The following IL34 variants were observed in gnomAD, a reference collection of about 807,000 sequenced individuals.
IL34 encodes interleukin 34.
Under a neutral mutation model 25.3 loss-of-function variants are expected in IL34, and 17 were observed. The ratio of observed to expected loss-of-function variants is 0.67; its 90% CI spans 0.46 to 1.01. IL34 has a LOEUF of 1.01. Among genes scored for constraint, IL34 ranks in the 50% least tolerant of loss-of-function variants. IL34 has a pLI of 0.00. For missense variants in IL34, 368 were observed against 312.9 expected (o/e 1.18, Z -1.33); for synonymous variants, 174 against 140.9 (o/e 1.23, Z -1.66).
chr16:70,602,635 C>G (rs78927322), intron 1 of IL34, among the ~76,000 whole-genome samples: 16,683 of 139,912 alleles, frequency 0.12, 2,366 homozygotes, highest in African/African-American at 0.33. Flanking sequence ...TTGTGTTGGG[C>G]GAGGGGTGGT....
rs182426023 is a variant in IL34, at chr16:70,633,755, T to C, written c.-400-12793T>C. On this transcript the variant is annotated intron_variant, in intron 1 of 6. Coordinates refer to the IL34 transcript ENST00000429149. The stretch of plus-strand genomic sequence containing the variant: ...AAGGCTTGAGGGGAGGATCTTTTCC[T>C]GTCTCTTCCCAGGTTCTGGTGTACA... Among the ~76,000 whole-genome samples, 32 of 152,332 alleles carry C rather than the reference T, an allele frequency of 2.1e-4. 1 individual carries two copies. The East Asian group carries it at 6.0e-3, about 28-fold the overall frequency.
At chr16:70,627,490 C>T (rs1251044129) in intron 1 of IL34, among the ~76,000 whole-genome samples, 2 of 118,178 alleles carry the variant, frequency 1.7e-5, no homozygotes, top group Non-Finnish European at 3.3e-5. Context: ...CTTTTTCTTT[C>T]TCTTTCTTTG....
chr16:70,621,804 G>A, intron 1 of IL34, among the ~76,000 whole-genome samples: 1 of 152,056 alleles, frequency 6.6e-6, no homozygotes, highest in Non-Finnish European at 1.5e-5. Flanking sequence ...TGGCGGGCAG[G>A]AGTGGGGGTC....
intron 1 of IL34, among the ~76,000 whole-genome samples, chr16:70,620,441 G>A (rs1360042585): frequency 1.0e-5 from 1 of 96,286 alleles, no homozygotes; most frequent in Non-Finnish European, 1.9e-5. Flanking sequence ...TGTGAGGAGG[G>A]GAGGTGATAA....
intron 1 of IL34, among the ~76,000 whole-genome samples, chr16:70,616,449 A>G (rs1424273573): frequency 6.6e-6 from 1 of 152,248 alleles, no homozygotes; most frequent in African/African-American, 2.4e-5. Flanking sequence ...ATTTTAATTT[A>G]TAATGTGTTT....
At chr16:70,580,777 T>C (rs1309420775) in intron 1 of IL34, among the ~76,000 whole-genome samples, 3 of 144,672 alleles carry the variant, frequency 2.1e-5, no homozygotes, top group Non-Finnish European at 1.5e-5. Context: ...TGAGACTATG[T>C]CTCAAAAAAA....
chr16:70,595,210 C>T (rs2050804971), intron 1 of IL34, among the ~76,000 whole-genome samples: 2 of 152,028 alleles, frequency 1.3e-5, no homozygotes, highest in Admixed American at 6.6e-5. Flanking sequence ...ATCCGCCCAC[C>T]TCGGCCTCCC....
chr16:70,589,428 C>G (rs1338596232), intron 1 of IL34, among the ~76,000 whole-genome samples: 1 of 152,022 alleles, frequency 6.6e-6, no homozygotes, highest in African/African-American at 2.4e-5. Context: ...TGTCTGTTGT[C>G]CCCTCTATGT....
At chr16:70,618,420 A>C (rs1336258901) in intron 1 of IL34, among the ~76,000 whole-genome samples, 1 of 152,130 alleles carries the variant, frequency 6.6e-6, no homozygotes, top group South Asian at 2.1e-4. Context: ...GAGTGAGTAT[A>C]GCTGAAGGAG....
intron 2 of IL34, among the ~76,000 whole-genome samples, chr16:70,656,001 C>T (rs566592646): frequency 6.6e-6 from 1 of 152,330 alleles, no homozygotes; most frequent in East Asian, 1.9e-4. Context: ...GCAACCATCA[C>T]CATCATAGGT....
intron 1 of IL34, among the ~76,000 whole-genome samples, chr16:70,619,439 A>G (rs1204306420): frequency 6.6e-6 from 1 of 152,130 alleles, no homozygotes; most frequent in Non-Finnish European, 1.5e-5. Flanking sequence ...TCGGCCTAAT[A>G]AGGGAACTGG....
chr16:70,620,302 T>C (rs566892092), intron 1 of IL34, among the ~76,000 whole-genome samples: 81 of 152,182 alleles, frequency 5.3e-4, no homozygotes, highest in African/African-American at 1.8e-3. Flanking sequence ...AAACGCTATC[T>C]GATTTGGGAT....
intron 1 of IL34, among the ~76,000 whole-genome samples, chr16:70,583,420 G>A (rs766042013): frequency 1.3e-5 from 2 of 152,068 alleles, no homozygotes; most frequent in Non-Finnish European, 2.9e-5. Flanking sequence ...ATTTAAGCAG[G>A]TTTTGAGATG....
chr16:70,606,532 C>T (rs553984958), intron 1 of IL34, among the ~76,000 whole-genome samples: 6 of 152,278 alleles, frequency 3.9e-5, no homozygotes, highest in African/African-American at 9.6e-5. Context: ...CAACCACCAC[C>T]CTCCACCCCC....
chr16:70,622,129 T>C (rs2051295122), intron 1 of IL34, among the ~76,000 whole-genome samples: 1 of 152,012 alleles, frequency 6.6e-6, no homozygotes, highest in African/African-American at 2.4e-5. Context: ...GCTGGTCTGT[T>C]ATCAGACTGT....
At chr16:70,626,637 C>T (rs2051400247) in intron 1 of IL34, among the ~76,000 whole-genome samples, 1 of 152,132 alleles carries the variant, frequency 6.6e-6, no homozygotes, top group Non-Finnish European at 1.5e-5. Flanking sequence ...CTCAGGTGAT[C>T]TGCCCACCTC....
intron 1 of IL34, among the ~76,000 whole-genome samples, chr16:70,633,843 C>T (rs2051575447): frequency 6.6e-6 from 1 of 151,942 alleles, no homozygotes; most frequent in Admixed American, 6.6e-5. Flanking sequence ...GTGGTCTTCT[C>T]CCTGAGTCTC....
intron 1 of IL34, among the ~76,000 whole-genome samples, chr16:70,637,617 T>C (rs1255497120): frequency 6.6e-6 from 1 of 152,212 alleles, no homozygotes; most frequent in Non-Finnish European, 1.5e-5. Context: ...AATGCTGGGA[T>C]CACAGGTGTG....
intron 1 of IL34, among the ~76,000 whole-genome samples, chr16:70,620,079 C>T (rs912964335): frequency 5.3e-5 from 8 of 152,056 alleles, no homozygotes; most frequent in East Asian, 1.9e-4. Flanking sequence ...ACCTTGAAGG[C>T]GAGGTTAATT....
Sources: allele counts gnomAD v4.1 joint callset (sites outside exome capture counted in the v4.1 genomes callset), GRCh38; gene constraint gnomAD v4.1.1; transcripts MANE v1.5; gene names NCBI Gene and HGNC (gene_info 2026-07-23, HGNC 2026-07-21).